The following LRP1B variants were observed in gnomAD, a reference collection of about 807,000 sequenced individuals.
The protein encoded by LRP1B is low-density lipoprotein receptor-related protein 1B.
In LRP1B, 217 loss-of-function variants were observed where a neutral mutation model predicts 556.6. That is an observed-to-expected ratio of 0.39 (90% CI 0.35 to 0.44). LRP1B has a LOEUF of 0.44. Among genes scored for constraint, LRP1B ranks in the 20% least tolerant of loss-of-function variants. The pLI, the probability that LRP1B is intolerant of heterozygous loss-of-function variation, is 1.00. For synonymous variants in LRP1B, 2,047 were observed against 1,865.8 expected, an observed-to-expected ratio of 1.10 and a Z score of -2.50; for missense variants, 5,053 against 5,620.8, an observed-to-expected ratio of 0.90 and a Z score of 3.23.
At chr2:140,819,582 A>T (rs911674028) in intron 31 of LRP1B, among the ~76,000 whole-genome samples, 2 of 152,204 alleles carry the variant, frequency 1.3e-5, no homozygotes, top group African/African-American at 4.8e-5. Flanking sequence ...AGAACAGAGA[A>T]GAACAGAGAA....
At chr2:141,786,062 G>A (rs1004636219) in intron 2 of LRP1B, among the ~76,000 whole-genome samples, 2 of 151,746 alleles carry the variant, frequency 1.3e-5, no homozygotes, top group African/African-American at 4.8e-5. Context: ...TCTATAAAGG[G>A]GATAGCTAAA....
At chr2:141,907,616 G>A (rs1011794904) in intron 1 of LRP1B, among the ~76,000 whole-genome samples, 1 of 151,808 alleles carries the variant, frequency 6.6e-6, no homozygotes, top group African/African-American at 2.4e-5. Flanking sequence ...AGCAGGGAGA[G>A]GCTACATTTG....
chr2:140,431,355 G>A lies in LRP1B; in HGVS notation c.10414+11149C>T, dbSNP rs527995087. 1.9e-3 allele frequency among the ~76,000 whole-genome samples: 291 copies of A among 152,190 alleles called. 2 individuals carry two copies. The highest frequency in any genetic ancestry group is 6.8e-3 in the African/African-American group (282 of 41,524). ...AGCCCATTTGAGCTCCTGTATGGAC[G>A]CTCCTTTTTATTAGGCCCCAGTCTC... On this transcript the variant is annotated intron_variant, in intron 66 of 90. Transcript: ENST00000389484.
At chr2:142,043,990 C>A (rs1574626648) in intron 1 of LRP1B, among the ~76,000 whole-genome samples, 1 of 151,650 alleles carries the variant, frequency 6.6e-6, no homozygotes, top group Non-Finnish European at 1.5e-5. Context: ...AATACAACCT[C>A]AAACATGTAC....
intron 89 of LRP1B, among the ~76,000 whole-genome samples, chr2:140,235,857 A>C (rs913138336): frequency 2.0e-5 from 3 of 151,084 alleles, no homozygotes; most frequent in African/African-American, 7.3e-5. Context: ...TATCGTCATT[A>C]GTCTGTTATA....
At chr2:140,653,134 T>C (rs1254956567) in intron 41 of LRP1B, among the ~76,000 whole-genome samples, 1 of 152,088 alleles carries the variant, frequency 6.6e-6, no homozygotes, top group Non-Finnish European at 1.5e-5. Context: ...TAGGATGCTA[T>C]ATGGAATATC....
intron 7 of LRP1B, among the ~76,000 whole-genome samples, chr2:141,128,821 T>C (rs568651386): frequency 6.6e-6 from 1 of 152,274 alleles, no homozygotes; most frequent in African/African-American, 2.4e-5. Flanking sequence ...ATTGTAAACA[T>C]TACATTTGAA....
intron 7 of LRP1B, among the ~76,000 whole-genome samples, chr2:141,115,949 T>C (rs1700887940): frequency 6.6e-6 from 1 of 152,202 alleles, no homozygotes; most frequent in Non-Finnish European, 1.5e-5. Flanking sequence ...AATGATTAAA[T>C]AGAATGTATA....
chr2:142,041,950 C>T (rs111509255), intron 1 of LRP1B, among the ~76,000 whole-genome samples: 57 of 151,498 alleles, frequency 3.8e-4, no homozygotes, highest in African/African-American at 1.3e-3. Context: ...TTACACTGTG[C>T]CTTGTTGTAG....
At chr2:141,988,155 A>T (rs10207821) in intron 1 of LRP1B, among the ~76,000 whole-genome samples, 131,252 of 151,846 alleles carry the variant, frequency 0.86, 56,807 homozygotes, top group East Asian at 0.95. Context: ...CAGGCATGAT[A>T]TATAATGAAA....
chr2:141,890,579 A>G lies in LRP1B; in HGVS notation c.83-80178T>C, dbSNP rs1464771925. ...TATTGCATGAACCATACAATTGTCA[A>G]CTCAACCATGACTCTTTTTCATGAA... is the stretch of plus-strand genomic sequence containing the variant. On this transcript the variant is annotated intron_variant, in intron 1 of 90. Coordinates refer to ENST00000389484, the MANE Select transcript of LRP1B (RefSeq NM_018557.3). Among the ~76,000 whole-genome samples, 2 of 151,520 alleles carry G rather than the reference A, an allele frequency of 1.3e-5. 1 individual carries two copies. Among genetic ancestry groups the G allele is most frequent in the Middle Eastern group, 6.3e-3 (2 of 316 alleles).
At chr2:140,599,020 A>G (rs548728400) in intron 42 of LRP1B, among the ~76,000 whole-genome samples, 185 bp from the exon 43 acceptor site, 1 of 152,174 alleles carries the variant, frequency 6.6e-6, no homozygotes, top group Non-Finnish European at 1.5e-5. Flanking sequence ...AATTTTCCCC[A>G]GGTTCTTAAA....
At chr2:141,554,050 CATAG>C (rs532933777) in intron 2 of LRP1B, among the ~76,000 whole-genome samples, 8 of 137,734 alleles carry the variant, frequency 5.8e-5, no homozygotes, top group African/African-American at 1.1e-4. Flanking sequence ...TATTAATAGA[CATAG>C]ATATAGATTA....
chr2:141,064,376 G>A (rs1699423561), intron 7 of LRP1B, among the ~76,000 whole-genome samples: 1 of 151,860 alleles, frequency 6.6e-6, no homozygotes, highest in Admixed American at 6.6e-5. Flanking sequence ...GAAAATTTAA[G>A]TTATTCATTC....
At chr2:140,757,748 G>A (rs1688785478) in intron 35 of LRP1B, among the ~76,000 whole-genome samples, 1 of 152,182 alleles carries the variant, frequency 6.6e-6, no homozygotes, top group Non-Finnish European at 1.5e-5. Context: ...GGGCATGGTG[G>A]CATGCGCCTG....
chr2:141,873,011 C>A (rs1365669353), intron 1 of LRP1B, among the ~76,000 whole-genome samples: 1 of 151,878 alleles, frequency 6.6e-6, no homozygotes, highest in African/African-American at 2.4e-5. Context: ...GTTCAATAGA[C>A]CATTGGGAAG....
At chr2:141,293,250 T>G (rs1028623688) in intron 3 of LRP1B, among the ~76,000 whole-genome samples, 1 of 152,152 alleles carries the variant, frequency 6.6e-6, no homozygotes, top group Non-Finnish European at 1.5e-5. Flanking sequence ...AAATAACAAG[T>G]AGGTTGATAT....
At chr2:140,487,406 G>A (rs1434872406) in intron 58 of LRP1B, among the ~76,000 whole-genome samples, 1 of 151,860 alleles carries the variant, frequency 6.6e-6, no homozygotes, top group African/African-American at 2.4e-5. Flanking sequence ...TGATGTTTAT[G>A]TTATTGCAAG....
intron 41 of LRP1B, among the ~76,000 whole-genome samples, chr2:140,660,375 C>T (rs919556178): frequency 3.1e-4 from 47 of 152,068 alleles, no homozygotes; most frequent in South Asian, 8.3e-4. Context: ...TGTTTACTTT[C>T]TTGTATTTTT....
Sources: gnomAD v4.1 joint callset for allele counts (sites outside exome capture counted in the v4.1 genomes callset) on GRCh38, gnomAD v4.1.1 for gene constraint, MANE v1.5 for transcripts, NCBI Gene and HGNC (gene_info 2026-07-23, HGNC 2026-07-21) for gene names.